CSGALNACT1: variants seen among roughly 807,000 people sequenced by gnomAD.
The protein encoded by CSGALNACT1 is beta4GalNAcT-1.
CSGALNACT1 carries 52 observed loss-of-function variants against 51.0 expected under a neutral mutation model. That is an observed-to-expected ratio of 1.02 (90% CI 0.82 to 1.29). The LOEUF (loss-of-function observed/expected upper bound fraction) is 1.29. CSGALNACT1 is among the 50% of genes most tolerant of loss of function. The pLI is 0.00. For missense variants in CSGALNACT1, 935 were observed against 679.2 expected, an observed-to-expected ratio of 1.38 and a Z score of -4.19; for synonymous variants, 341 against 254.4, an observed-to-expected ratio of 1.34 and a Z score of -3.24.
At chr8:19,506,279 C>G (rs2077313794) in intron 3 of CSGALNACT1, 149 bp from the exon 3 acceptor site, 1 of 360,964 alleles carries the variant, frequency 2.8e-6, no homozygotes, top group Non-Finnish European at 5.4e-6. Context: ...GTGTATAAAT[C>G]AGAACACAAA....
At chr8:19,686,990 AG>A (rs968698226), upstream of CSGALNACT1, among the ~76,000 whole-genome samples, 92 of 152,314 alleles carry the variant, frequency 6.0e-4, no homozygotes, top group African/African-American at 2.1e-3. Context: ...TACACAATAT[AG>A]ATGCCCATAT....
At chr8:19,676,958 T>C (rs2060238135) in intron 1 of CSGALNACT1, among the ~76,000 whole-genome samples, 1 of 152,254 alleles carries the variant, frequency 6.6e-6, no homozygotes, top group South Asian at 2.1e-4. Flanking sequence ...GAGTTATTAG[T>C]AGCATTGACA....
chr8:19,448,528 G>A (rs1312945966), intron 5 of CSGALNACT1, among the ~76,000 whole-genome samples: 3 of 152,256 alleles, frequency 2.0e-5, no homozygotes, highest in African/African-American at 7.2e-5. Flanking sequence ...ATATAATGCA[G>A]GATGGAATAA....
intron 4 of CSGALNACT1, among the ~76,000 whole-genome samples, chr8:19,470,136 C>T (rs11787032): frequency 0.2 from 30,361 of 151,968 alleles, 3,216 homozygotes; most frequent in African/African-American, 0.23. Context: ...GTGGATGGGA[C>T]CTACAACCCC....
intron 5 of CSGALNACT1, among the ~76,000 whole-genome samples, chr8:19,442,576 T>TGGGGGGG (rs2061494169): frequency 2.1e-5 from 1 of 47,004 alleles, no homozygotes; most frequent in African/African-American, 9.0e-5. Flanking sequence ...GTTGTGGCGT[T>TGGGGGGG]GGGGGAGGGG....
intron 1 of CSGALNACT1, among the ~76,000 whole-genome samples, chr8:19,688,128 ACT>A (rs1009015176): frequency 2.6e-5 from 4 of 152,050 alleles, no homozygotes; most frequent in African/African-American, 7.2e-5. Flanking sequence ...AGAGTGAACA[ACT>A]CTCTGACTAG....
chr8:19,497,222 A>G (rs1461250132), intron 4 of CSGALNACT1, among the ~76,000 whole-genome samples: 1 of 152,224 alleles, frequency 6.6e-6, no homozygotes, highest in Non-Finnish European at 1.5e-5. Context: ...TAAGCTGTGA[A>G]TAACAAGAAA....
intron 4 of CSGALNACT1, among the ~76,000 whole-genome samples, chr8:19,481,899 A>C (rs950228812): frequency 6.6e-6 from 1 of 152,254 alleles, no homozygotes; most frequent in African/African-American, 2.4e-5. Flanking sequence ...GCAACTTTTG[A>C]ATACTTAGAA....
chr8:19,626,579 A>C (rs967547588), intron 1 of CSGALNACT1, among the ~76,000 whole-genome samples: 1 of 152,220 alleles, frequency 6.6e-6, no homozygotes, highest in African/African-American at 2.4e-5. Flanking sequence ...GTAACATAAA[A>C]ATTTCAATTC....
intron 1 of CSGALNACT1, among the ~76,000 whole-genome samples, chr8:19,665,452 G>C (rs560562488): frequency 6.6e-6 from 1 of 152,114 alleles, no homozygotes; most frequent in Non-Finnish European, 1.5e-5. Flanking sequence ...CTCAGAAGGA[G>C]TAAGAGGCAA....
At chr8:19,740,333 G>A (rs544288980) in intron 1 of CSGALNACT1, among the ~76,000 whole-genome samples, 5 of 152,306 alleles carry the variant, frequency 3.3e-5, no homozygotes, top group African/African-American at 1.2e-4. Flanking sequence ...CAAGTCCCAA[G>A]GGACACAGAG....
At chr8:19,667,043 G>A (rs866833611) in intron 1 of CSGALNACT1, among the ~76,000 whole-genome samples, 1 of 53,860 alleles carries the variant, frequency 1.9e-5, no homozygotes, top group African/African-American at 7.9e-5. Flanking sequence ...AAGGAAGGAA[G>A]AAAGAAAGAA....
chr8:19,563,640 T>G (rs1035665582), intron 3 of CSGALNACT1, among the ~76,000 whole-genome samples: 1 of 152,030 alleles, frequency 6.6e-6, no homozygotes, highest in African/African-American at 2.4e-5. Context: ...TTACTTCAGT[T>G]ACTCATTCAC....
chr8:19,459,176 A>T (rs2064803098), intron 4 of CSGALNACT1, among the ~76,000 whole-genome samples: 1 of 152,100 alleles, frequency 6.6e-6, no homozygotes, highest in Non-Finnish European at 1.5e-5. Context: ...ACCTGAGGTT[A>T]AGAGTCTGAG....
chr8:19,651,180 C>T (rs141703303), intron 1 of CSGALNACT1, among the ~76,000 whole-genome samples: 1 of 152,162 alleles, frequency 6.6e-6, no homozygotes, highest in Non-Finnish European at 1.5e-5. Context: ...TAAAACTTTA[C>T]AAAATTCTGG....
intron 4 of CSGALNACT1, among the ~76,000 whole-genome samples, chr8:19,481,829 T>C (rs1020148729): frequency 6.6e-6 from 1 of 152,202 alleles, no homozygotes; most frequent in African/African-American, 2.4e-5. Context: ...CAAACCCATC[T>C]TATGTGCAAA....
intron 4 of CSGALNACT1, among the ~76,000 whole-genome samples, chr8:19,469,441 C>A (rs1034919761): frequency 6.6e-6 from 1 of 151,884 alleles, no homozygotes; most frequent in Non-Finnish European, 1.5e-5. Context: ...CTGGATGGGG[C>A]AAGGAGGAGA....
chr8:19,487,537 A>C (rs1715948787), intron 4 of CSGALNACT1, among the ~76,000 whole-genome samples: 1 of 152,184 alleles, frequency 6.6e-6, no homozygotes, highest in Non-Finnish European at 1.5e-5. Flanking sequence ...TAATGGACAG[A>C]AAGTCAATAA....
chr8:19,537,744 A>T (rs890610750), intron 3 of CSGALNACT1, among the ~76,000 whole-genome samples: 12 of 152,230 alleles, frequency 7.9e-5, no homozygotes, highest in Non-Finnish European at 1.3e-4. Context: ...TCATACAAAA[A>T]TTAAAATGCA....
Sources: gnomAD v4.1 joint callset for allele counts (sites outside exome capture counted in the v4.1 genomes callset) on GRCh38, gnomAD v4.1.1 for gene constraint, MANE v1.5 for transcripts, NCBI Gene and HGNC (gene_info 2026-07-23, HGNC 2026-07-21) for gene names.